The following STK33 variants were observed in gnomAD, a reference collection of about 807,000 sequenced individuals.
The protein encoded by STK33 is serine/threonine-protein kinase 33.
Under a neutral mutation model 58.0 loss-of-function variants are expected in STK33, and 52 were observed. The ratio of observed to expected loss-of-function variants is 0.90; its 90% confidence interval spans 0.72 to 1.13. The LOEUF is 1.13. STK33 is among the 50% of genes most tolerant of loss of function. The pLI is 0.00. For missense variants in STK33, 630 were observed against 604.2 expected, an observed-to-expected ratio of 1.04 and a Z score of -0.45; for synonymous variants, 215 against 200.1, an observed-to-expected ratio of 1.07 and a Z score of -0.63.
intron 15 of STK33, among the ~76,000 whole-genome samples, chr11:8,403,116 T>C (rs1276276014): frequency 6.6e-6 from 1 of 152,144 alleles, no homozygotes; most frequent in Non-Finnish European, 1.5e-5. Context: ...AGATTGTAAA[T>C]GATCATTATG....
intron 12 of STK33, among the ~76,000 whole-genome samples, chr11:8,436,988 G>A (rs755012925): frequency 1.3e-4 from 20 of 152,112 alleles, no homozygotes; most frequent in Non-Finnish European, 2.6e-4. Context: ...ATGTGTCAAC[G>A]CACCCAGCCC....
intron 6 of STK33, chr11:8,466,832 A>G (rs1257715424): frequency 6.6e-6 from 1 of 152,222 alleles, no homozygotes; most frequent in African/African-American, 2.4e-5. Context: ...GCGTTTCCAT[A>G]TATCTTCTGA....
At chr11:8,335,263 C>G in the STK33 span, among the ~76,000 whole-genome samples, 1 of 152,210 alleles carries the variant, frequency 6.6e-6, no homozygotes, top group Admixed American at 6.5e-5. Flanking sequence ...CCAGGCGGTC[C>G]TGGCTACCTG....
intron 15 of STK33, among the ~76,000 whole-genome samples, chr11:8,396,803 C>A (rs939025788): frequency 6.6e-6 from 1 of 152,238 alleles, no homozygotes; most frequent in East Asian, 1.9e-4. Context: ...AAACAGCACA[C>A]CAGGAGATTA....
chr11:8,520,192 T>C (rs1011893728), intron 1 of STK33, among the ~76,000 whole-genome samples: 27 of 152,096 alleles, frequency 1.8e-4, no homozygotes, highest in African/African-American at 5.3e-4. Flanking sequence ...GTTCAACATA[T>C]GCAAATCAAT....
chr11:8,490,239 T>G (rs973003937), intron 1 of STK33, among the ~76,000 whole-genome samples: 1 of 152,188 alleles, frequency 6.6e-6, no homozygotes, highest in Non-Finnish European at 1.5e-5. Context: ...CCAATGGTCT[T>G]AGCAAACGGC....
chr11:8,578,194 G>T (rs1958317890), intron 1 of STK33, among the ~76,000 whole-genome samples: 1 of 151,990 alleles, frequency 6.6e-6, no homozygotes, highest in Non-Finnish European at 1.5e-5. Flanking sequence ...CATTTGTACT[G>T]GGAAGAAAAA....
the STK33 span, among the ~76,000 whole-genome samples, chr11:8,355,521 A>T: frequency 2.0e-5 from 3 of 152,128 alleles, no homozygotes; most frequent in Non-Finnish European, 4.4e-5. Context: ...CTGTCCTCTG[A>T]CCCTGTCCTC....
chr11:8,588,686 AT>A (rs2032111184), intron 1 of STK33, among the ~76,000 whole-genome samples: 1 of 152,158 alleles, frequency 6.6e-6, no homozygotes, highest in African/African-American at 2.4e-5. Flanking sequence ...AAAATTAAAA[AT>A]TTTTGTGCTT....
intron 1 of STK33, among the ~76,000 whole-genome samples, chr11:8,504,843 A>C (rs1426904560): frequency 6.6e-6 from 1 of 152,160 alleles, no homozygotes; most frequent in Non-Finnish European, 1.5e-5. Flanking sequence ...ATAATAAATG[A>C]TATAGGAACA....
the STK33 span, among the ~76,000 whole-genome samples, chr11:8,385,215 C>T: frequency 6.6e-6 from 1 of 152,366 alleles, no homozygotes; most frequent in African/African-American, 2.4e-5. Flanking sequence ...TCTAACTAAT[C>T]TCCCTGGTTC....
At chr11:8,452,539 G>A (rs1259507540) in intron 11 of STK33, among the ~76,000 whole-genome samples, 2 of 152,066 alleles carry the variant, frequency 1.3e-5, no homozygotes, top group Non-Finnish European at 2.9e-5. Context: ...CCCAACACTT[G>A]GGAAAGGAGA....
intron 14 of STK33, among the ~76,000 whole-genome samples, chr11:8,426,652 C>G (rs1222250651): frequency 6.6e-6 from 1 of 152,118 alleles, no homozygotes; most frequent in Non-Finnish European, 1.5e-5. Flanking sequence ...TTTCAAAGAA[C>G]CAAATACTGA....
intron 1 of STK33, among the ~76,000 whole-genome samples, chr11:8,593,257 GAT>G (rs1487877628): frequency 6.6e-6 from 1 of 152,194 alleles, no homozygotes; most frequent in African/African-American, 2.4e-5. Context: ...AAAACTTGTT[GAT>G]GTTCCTTTCC....
At chr11:8,547,568 G>A (rs1956023647) in intron 1 of STK33, among the ~76,000 whole-genome samples, 1 of 152,120 alleles carries the variant, frequency 6.6e-6, no homozygotes, top group African/African-American at 2.4e-5. Flanking sequence ...TTTAAAATCA[G>A]ATTGTTCATT....
the STK33 span, among the ~76,000 whole-genome samples, chr11:8,376,349 A>C: frequency 6.6e-6 from 1 of 152,092 alleles, no homozygotes; most frequent in Non-Finnish European, 1.5e-5. Flanking sequence ...TCACATGTGC[A>C]TGTTGGGTGG....
chr11:8,369,900 C>A, the STK33 span, among the ~76,000 whole-genome samples: 3 of 152,216 alleles, frequency 2.0e-5, no homozygotes, highest in Non-Finnish European at 4.4e-5. Flanking sequence ...CTGTCGCCAA[C>A]CTGCACACCA....
At chr11:8,386,112 C>T in the STK33 span, among the ~76,000 whole-genome samples, 2 of 152,202 alleles carry the variant, frequency 1.3e-5, no homozygotes, top group East Asian at 3.8e-4. Flanking sequence ...CAACTCTGTC[C>T]ATGCTGGTGC....
At chr11:8,460,698 A>G (rs1031531158) in intron 8 of STK33, among the ~76,000 whole-genome samples, 1 of 152,146 alleles carries the variant, frequency 6.6e-6, no homozygotes, top group Admixed American at 6.5e-5. Flanking sequence ...ACAAAAAAAA[A>G]CATGAAGAAA....
Sources: allele counts gnomAD v4.1 joint callset (sites outside exome capture counted in the v4.1 genomes callset), GRCh38; gene constraint gnomAD v4.1.1; transcripts MANE v1.5; gene names NCBI Gene and HGNC (gene_info 2026-07-23, HGNC 2026-07-21).